The following UBE2E3 variants were observed in gnomAD, a reference collection of about 807,000 sequenced individuals.
UBE2E3 encodes the protein ubiquitin conjugating enzyme E2 E3.
Under a neutral mutation model 23.6 loss-of-function variants are expected in UBE2E3, and 5 were observed. The ratio of observed to expected loss-of-function variants is 0.21; its 90% CI spans 0.11 to 0.44. The LOEUF (loss-of-function observed/expected upper bound fraction) is 0.44. UBE2E3 is among the 20% of genes least tolerant of loss of function. UBE2E3 has a pLI of 0.99. For missense variants in UBE2E3, 81 were observed against 249.8 expected (o/e 0.32, Z 4.55); for synonymous variants, 78 against 87.5 (o/e 0.89, Z 0.60).
intron 3 of UBE2E3, among the ~76,000 whole-genome samples, chr2:181,047,021 C>A (rs1050796053): frequency 6.6e-6 from 1 of 152,138 alleles, no homozygotes; most frequent in Admixed American, 6.5e-5. Flanking sequence ...CCAGTATTAG[C>A]ATTTCCTTCT....
chr2:180,988,663 A>G (rs1000887889), intron 3 of UBE2E3, among the ~76,000 whole-genome samples: 1 of 152,152 alleles, frequency 6.6e-6, no homozygotes, highest in African/African-American at 2.4e-5. Flanking sequence ...ATGTCTGTGA[A>G]CTAAGGAGAA....
chr2:181,028,191 A>G (rs1685958354), intron 3 of UBE2E3, among the ~76,000 whole-genome samples: 2 of 152,104 alleles, frequency 1.3e-5, no homozygotes, highest in African/African-American at 2.4e-5. Flanking sequence ...ATGTAATTAT[A>G]CTTTTTTCTC....
chr2:181,035,617 T>A (rs1292147450), intron 3 of UBE2E3, among the ~76,000 whole-genome samples: 3 of 152,208 alleles, frequency 2.0e-5, no homozygotes, highest in Non-Finnish European at 4.4e-5. Context: ...GTGGGTCACA[T>A]GCGTCCCAGG....
At chr2:181,021,396 CT>C (rs1685667507) in intron 3 of UBE2E3, among the ~76,000 whole-genome samples, 1 of 146,628 alleles carries the variant, frequency 6.8e-6, no homozygotes, top group Admixed American at 6.8e-5. Flanking sequence ...CCTCTTTTCT[CT>C]TTTCTTTTCC....
At chr2:181,051,860 CTG>C (rs1421920660) in intron 3 of UBE2E3, among the ~76,000 whole-genome samples, 3 of 151,834 alleles carry the variant, frequency 2.0e-5, no homozygotes, top group Non-Finnish European at 4.4e-5. Context: ...TTACTATTCT[CTG>C]TGTTTTCTAG....
At chr2:181,006,042 A>G (rs1156708127) in intron 3 of UBE2E3, among the ~76,000 whole-genome samples, 1 of 152,228 alleles carries the variant, frequency 6.6e-6, no homozygotes, top group Non-Finnish European at 1.5e-5. Context: ...GGAGGCTGTC[A>G]TAGTTGGAAC....
chr2:181,045,399 T>A (rs1367256795), intron 3 of UBE2E3, among the ~76,000 whole-genome samples: 1 of 152,210 alleles, frequency 6.6e-6, no homozygotes, highest in Non-Finnish European at 1.5e-5. Context: ...AATAGCTTCT[T>A]ACATCTTTCT....
chr2:181,028,721 C>T (rs551608428), intron 3 of UBE2E3, among the ~76,000 whole-genome samples: 25 of 151,828 alleles, frequency 1.6e-4, no homozygotes, highest in Non-Finnish European at 3.4e-4. Context: ...TTATTTGTCC[C>T]CCTGCCCCCA....
At position 181,028,323 on chromosome 2, in the gene UBE2E3, C is replaced by T. The variant is rs188481451; in HGVS notation, c.246-29370C>T. Among the ~76,000 whole-genome samples the T allele has an allele frequency of 3.7e-4, 56 of 151,910 alleles. No individual in the cohort carries two copies. The East Asian group carries it at 9.5e-3, about 26-fold the overall frequency. On this transcript the variant is annotated intron_variant, in intron 3 of 5. Coordinates refer to ENST00000410062, the MANE Select transcript of UBE2E3 (RefSeq NM_006357.4). Reference sequence around the variant, plus strand: ...ATTGTAGTAGGGTATATTGGGTGTTCCATGTTTATTTTGTTTTTTGTCACT... The same window carrying T: ...ATTGTAGTAGGGTATATTGGGTGTTTCATGTTTATTTTGTTTTTTGTCACT...
At chr2:181,047,047 G>T (rs1480398875) in intron 3 of UBE2E3, among the ~76,000 whole-genome samples, 1 of 152,140 alleles carries the variant, frequency 6.6e-6, no homozygotes, top group African/African-American at 2.4e-5. Flanking sequence ...TTTACAGAAA[G>T]AGTTAGTTCA....
At chr2:181,011,693 G>T (rs144398322) in intron 3 of UBE2E3, among the ~76,000 whole-genome samples, 3 of 152,260 alleles carry the variant, frequency 2.0e-5, no homozygotes, top group Non-Finnish European at 4.4e-5. Flanking sequence ...TGCCAGCCTT[G>T]TGTGAGCTGT....
intron 3 of UBE2E3, among the ~76,000 whole-genome samples, chr2:181,005,638 T>C (rs1685128126): frequency 6.6e-6 from 1 of 152,222 alleles, no homozygotes; most frequent in South Asian, 2.1e-4. Context: ...TGTGGCACCT[T>C]ACTGACATTT....
At chr2:181,043,667 A>G (rs919998910) in intron 3 of UBE2E3, among the ~76,000 whole-genome samples, 16 of 152,094 alleles carry the variant, frequency 1.1e-4, no homozygotes, top group African/African-American at 3.9e-4. Flanking sequence ...ATAATAATTA[A>G]CGATAATCAC....
At chr2:181,049,967 C>T (rs1477377667) in intron 3 of UBE2E3, among the ~76,000 whole-genome samples, 1 of 151,878 alleles carries the variant, frequency 6.6e-6, no homozygotes, top group Non-Finnish European at 1.5e-5. Context: ...TTGCCATACC[C>T]TGAATATATG....
intron 3 of UBE2E3, among the ~76,000 whole-genome samples, chr2:181,031,477 T>A (rs1686074774): frequency 2.6e-5 from 4 of 152,226 alleles, no homozygotes; most frequent in South Asian, 2.1e-4. Flanking sequence ...TTTTGTTTTT[T>A]TGTCATTTTA....
intron 3 of UBE2E3, among the ~76,000 whole-genome samples, chr2:181,047,273 G>A (rs796669339): frequency 6.6e-6 from 1 of 152,004 alleles, no homozygotes; most frequent in East Asian, 1.9e-4. Flanking sequence ...TGGGACTTAG[G>A]TGTGGTGGTC....
intron 3 of UBE2E3, among the ~76,000 whole-genome samples, chr2:181,030,740 TC>T (rs55752310): frequency 0.23 from 35,258 of 151,968 alleles, 4,447 homozygotes; most frequent in Non-Finnish European, 0.28. Context: ...TAACTACAAG[TC>T]CCATCTCTAT....
chr2:181,055,026 G>A (rs1686949912), intron 3 of UBE2E3, among the ~76,000 whole-genome samples: 1 of 151,742 alleles, frequency 6.6e-6, no homozygotes, highest in Non-Finnish European at 1.5e-5. Flanking sequence ...ATAATATGAA[G>A]ATTGAGAAAT....
chr2:181,058,912 G>A (rs571197153), intron 4 of UBE2E3, among the ~76,000 whole-genome samples: 2 of 151,810 alleles, frequency 1.3e-5, no homozygotes, highest in Non-Finnish European at 3.0e-5. Flanking sequence ...CCATCAGCAT[G>A]TAAGATCTTG....
Sources: gnomAD v4.1 joint callset for allele counts (sites outside exome capture counted in the v4.1 genomes callset) on GRCh38, gnomAD v4.1.1 for gene constraint, MANE v1.5 for transcripts, NCBI Gene and HGNC (gene_info 2026-07-23, HGNC 2026-07-21) for gene names.